The following TP53BP1 variants were observed in gnomAD, a reference collection of about 807,000 sequenced individuals.
The protein encoded by TP53BP1 is tumor protein p53 binding protein 1.
Under a neutral mutation model 200.8 loss-of-function variants are expected in TP53BP1, and 61 were observed. The ratio of observed to expected loss-of-function variants is 0.30; its 90% CI spans 0.25 to 0.38. The LOEUF is 0.38. Ranked by LOEUF, TP53BP1 falls within the 10% of genes least tolerant of loss-of-function variation. The pLI is 1.00. For synonymous variants in TP53BP1, 822 were observed against 844.3 expected, an observed-to-expected ratio of 0.97 and a Z score of 0.46; for missense variants, 2,144 against 2,371.9, an observed-to-expected ratio of 0.90 and a Z score of 2.00.
chr15:43,427,883 G>A, intron 18 of TP53BP1, 133 bp downstream of exon 18: 1 of 634,474 alleles, frequency 1.6e-6, no homozygotes, highest in Non-Finnish European at 2.7e-6. Flanking sequence ...CTTGAGCCTG[G>A]GAGGCAGAGG....
In TP53BP1 at chr15:43,427,938, C is replaced by CAAAG. The variant is rs568394833; in HGVS notation, c.3828+74_3828+77dup. The CAAAG allele has an allele frequency of 1.8e-4, 186 of 1,037,348 alleles. 2 individuals are homozygous for CAAAG. In the African/African-American group the frequency reaches 2.7e-3, roughly 15 times the overall value. 64.3% of individuals were successfully genotyped at this position (1,037,348 alleles called of 1,614,324 possible). ...CGCAACTGCATTCCAGCCTAGGTAA[C>CAAAG]AAAGTAAGACCCTGTCTCCAAAAAA... is the stretch of plus-strand genomic sequence containing the variant. On this transcript the variant is annotated intron_variant, in intron 18 of 27. Coordinates refer to ENST00000382044, the MANE Select transcript of TP53BP1 (RefSeq NM_001141980.3).
At chr15:43,432,745 G>C in intron 16 of TP53BP1, 68 bp from the exon 17 acceptor site, 1 of 1,484,420 alleles carries the variant, frequency 6.7e-7, no homozygotes, top group Non-Finnish European at 9.0e-7. Context: ...GTGTGTGTGC[G>C]TGTGCATGTG....
In TP53BP1 at chr15:43,464,177, T is replaced by C. The variant is rs79040106; in HGVS notation, c.1389+5681A>G. 2.2e-4 allele frequency among the ~76,000 whole-genome samples: 34 copies of C among 152,324 alleles called. No individual in the cohort carries two copies. In the East Asian group the frequency reaches 6.6e-3, roughly 29 times the overall value. On this transcript the variant is annotated intron_variant, in intron 11 of 27. Transcript: ENST00000382044. ...TGAACATCAGCAAATAATCAAAGAT[T>C]ACCAGACATCTGAGGAAAGCCTCTA...
In TP53BP1 at chr15:43,475,649, C is replaced by T. The variant is rs1441218568; in HGVS notation, c.1001G>A (p.Cys334Tyr). 1 of 1,614,030 alleles carries T rather than the reference C, an allele frequency of 6.2e-7. No homozygotes were observed. The change falls in exon 9 of 28, where the codon TGT becomes TAT. Residue 334 changes from cysteine (C) to tyrosine (Y), a missense_variant. Physicochemically the swap from Cys to Tyr is radical, Grantham distance 194. This residue lies in a region of TP53BP1 where 1,700 missense variants were observed against 1,710.3 expected (regional missense o/e 0.99). Transcript: ENST00000382044. ...GGTGGCAGGAGTGGAAGCCAAAGAA[C>T]ACCCACCTTCCTCCCTTGAAGGAGT... ...CSTPSREEGG[C>Y]SLASTPATTL...
intron 8 of TP53BP1, 68 bp from the exon 9 acceptor site, chr15:43,475,762 A>G (rs923151861): frequency 6.4e-6 from 10 of 1,560,762 alleles, no homozygotes; most frequent in African/African-American, 4.1e-5. Context: ...ACCATTCAGT[A>G]CTGCAAAGAG....
Position 43,446,750 on chromosome 15 carries a change from G to A in TP53BP1, c.2837-160C>T, listed in dbSNP as rs1359395513. The A allele has an allele frequency of 9.3e-6, 14 of 1,508,418 alleles. 1 individual carries two copies. The Admixed American group carries it at 1.1e-4, about 12-fold the overall frequency. The allele number at this position is 1,508,418 out of a possible 1,614,324, so 93.4% of individuals were successfully genotyped here. A position where few individuals can be genotyped will look rare whatever the true frequency, so the allele number is the denominator to read the frequency against. On this transcript the variant is annotated intron_variant, in intron 13 of 27. Coordinates refer to ENST00000382044, the MANE Select transcript of TP53BP1 (RefSeq NM_001141980.3). ...CCCTGTCATAAGTATCAACAACTAC[G>A]AACTAGTATTGACACCTGGTCTTAA...
At chr15:43,482,646 T>TA (rs755204464) in intron 4 of TP53BP1, among the ~76,000 whole-genome samples, 28 of 152,158 alleles carry the variant, frequency 1.8e-4, no homozygotes, top group Non-Finnish European at 5.9e-5. Context: ...CACGCACCTG[T>TA]AGTCCCAGCT....
At chr15:43,424,994 G>A (rs1354377705) in intron 18 of TP53BP1, among the ~76,000 whole-genome samples, 1 of 152,138 alleles carries the variant, frequency 6.6e-6, no homozygotes, top group Non-Finnish European at 1.5e-5. Flanking sequence ...GTTATCACCA[G>A]AGTGGGTCTG....
Position 43,432,345 on chromosome 15 carries a change from G to C in TP53BP1, c.3524C>G (p.Ala1175Gly), listed in dbSNP as rs45500399. 3 of 1,614,196 alleles carry C rather than the reference G, an allele frequency of 1.9e-6. No homozygotes were observed. The African/African-American group carries it at 4.0e-5, about 22-fold the overall frequency. Residue 1175 changes from alanine (A) to glycine (G), a missense_variant, in exon 17 of 28, where the codon GCA becomes GGA. Ala to Gly is a moderately conservative substitution (Grantham distance 60, BLOSUM62 0). This residue lies in a region of TP53BP1 where 1,700 missense variants were observed against 1,710.3 expected (regional missense o/e 0.99). Transcript: ENST00000382044. ...ACACACATTCTTTATAGTCTGGGTT[G>C]CTGCTGAAACAGTTTCTGGGACCCT... ...SLRVPETVSAATQTIKNVCEQ... is the reference protein window; with the variant it reads ...SLRVPETVSAGTQTIKNVCEQ...
chr15:43,477,323 A>G (rs2078899063), intron 8 of TP53BP1, among the ~76,000 whole-genome samples: 1 of 151,938 alleles, frequency 6.6e-6, no homozygotes, highest in African/African-American at 2.4e-5. Flanking sequence ...AGAAAAAAAG[A>G]AAATGGCTAG....
chr15:43,432,455 A>G lies in TP53BP1; in HGVS notation c.3414T>C (p.Ser1138=). The change falls in exon 17 of 28, where the codon AGT becomes AGC. Residue 1138 remains serine, a synonymous_variant. Transcript: ENST00000382044. The stretch of plus-strand genomic sequence containing the variant: ...CCTTACTAGGATTTTCCTTATTAGT[A>G]CTCCGTCCTTCTTTCTGGTCTTCTA... The part of the protein sequence containing the change: ...DVLEDQKEGR[S]TNKENPSKAL... 6.2e-7 allele frequency: 1 copy of G among 1,613,908 alleles called. No homozygotes were observed. Among genetic ancestry groups the G allele is most frequent in the South Asian group, 1.1e-5 (1 of 91,056 alleles).
At chr15:43,472,905 G>C (rs1204904551) in intron 10 of TP53BP1, among the ~76,000 whole-genome samples, 2 of 152,178 alleles carry the variant, frequency 1.3e-5, no homozygotes, top group Non-Finnish European at 2.9e-5. Context: ...TGAAGCCGCG[G>C]ACCCTCACGG....
chr15:43,504,487 T>G (rs1011853926), intron 1 of TP53BP1, among the ~76,000 whole-genome samples: 3 of 152,094 alleles, frequency 2.0e-5, no homozygotes, highest in African/African-American at 7.2e-5. Flanking sequence ...GTTCACATAG[T>G]TGGTAAGTAA....
chr15:43,438,775 T>C (rs2045860213), intron 15 of TP53BP1, among the ~76,000 whole-genome samples: 1 of 143,918 alleles, frequency 6.9e-6, no homozygotes, highest in African/African-American at 2.7e-5. Context: ...GGGTACTCTG[T>C]ATTTTAAAAG....
upstream of TP53BP1, chr15:43,493,163 T>A: frequency 6.5e-7 from 1 of 1,536,356 alleles, no homozygotes; most frequent in Non-Finnish European, 8.7e-7. Flanking sequence ...ACTCCCCCTT[T>A]CCCGTCACGT....
intron 1 of TP53BP1, among the ~76,000 whole-genome samples, chr15:43,509,950 G>C (rs1174388673): frequency 6.6e-6 from 1 of 152,176 alleles, no homozygotes; most frequent in Non-Finnish European, 1.5e-5. Context: ...GAATGATTCG[G>C]TATCCTGGGT....
intron 16 of TP53BP1, 55 bp from the exon 17 acceptor site, chr15:43,432,732 CGTGT>C: frequency 6.5e-7 from 1 of 1,540,068 alleles, no homozygotes; most frequent in Non-Finnish European, 8.7e-7. Flanking sequence ...TATGTGTGAA[CGTGT>C]GTGTGTGCGT....
chr15:43,410,920 A>G (rs562882633), intron 24 of TP53BP1, among the ~76,000 whole-genome samples: 3 of 152,328 alleles, frequency 2.0e-5, no homozygotes, highest in African/African-American at 7.2e-5. Flanking sequence ...TTGAAATCCC[A>G]AAACAGAAAC....
chr15:43,500,975 A>G (rs1481836520), intron 1 of TP53BP1, among the ~76,000 whole-genome samples: 1 of 152,174 alleles, frequency 6.6e-6, no homozygotes, highest in Admixed American at 6.5e-5. Flanking sequence ...TCAAGTCTGC[A>G]GTGAGCAGTG....
Sources: allele counts gnomAD v4.1 joint callset (sites outside exome capture counted in the v4.1 genomes callset), GRCh38; gene constraint gnomAD v4.1.1; regional missense constraint gnomAD v4.1.1; transcripts MANE v1.5; gene names NCBI Gene and HGNC (gene_info 2026-07-23, HGNC 2026-07-21).